DNAH17: variants seen among roughly 807,000 people sequenced by gnomAD.
DNAH17 encodes the protein dynein axonemal heavy chain 17.
Under a neutral mutation model 485.6 loss-of-function variants are expected in DNAH17, and 376 were observed. That is an observed-to-expected ratio of 0.77 (90% CI 0.71 to 0.84). The LOEUF (loss-of-function observed/expected upper bound fraction) is 0.84, where lower values mean the gene tolerates loss of function less well. Ranked by LOEUF, DNAH17 falls within the 40% of genes least tolerant of loss-of-function variation. DNAH17 has a pLI of 0.00. For missense variants in DNAH17, 6,370 were observed against 5,839.3 expected, an observed-to-expected ratio of 1.09 and a Z score of -2.96; for synonymous variants, 3,031 against 2,405.9, an observed-to-expected ratio of 1.26 and a Z score of -7.60.
intron 19 of DNAH17, 28 bp from the exon 20 acceptor site, chr17:78,532,764 G>C (rs1370377285): frequency 1.3e-6 from 2 of 1,558,708 alleles, no homozygotes; most frequent in Non-Finnish European, 1.7e-6. Flanking sequence ...GAAGCAAAAA[G>C]GGGAGGTATG....
chr17:78,533,465 G>A lies in DNAH17; in HGVS notation c.2860-729C>T, dbSNP rs536816657. On this transcript the variant is annotated intron_variant, in intron 19 of 80. Transcript: ENST00000389840. The stretch of plus-strand genomic sequence containing the variant: ...AGGCCCCGTGGTGGGAGGAGGCAGC[G>A]TGTTAGGGGAACTAAAGGAAGTCTA... 3.7e-4 allele frequency among the ~76,000 whole-genome samples: 57 copies of A among 152,274 alleles called. 1 individual carries two copies. The South Asian group carries it at 0.011, about 28-fold the overall frequency.
At chr17:78,538,451 C>G (rs8070884) in intron 18 of DNAH17, among the ~76,000 whole-genome samples, 116,728 of 152,146 alleles carry the variant, frequency 0.77, 44,835 homozygotes, top group African/African-American at 0.79. Flanking sequence ...CCACTGATCT[C>G]CCCCTGAATG....
intron 46 of DNAH17, 62 bp downstream of exon 46, chr17:78,485,898 G>T (rs949495664): frequency 6.3e-7 from 1 of 1,581,928 alleles, no homozygotes; most frequent in African/African-American, 1.3e-5. Flanking sequence ...GCGTGTGGAG[G>T]GTACTGCACC....
At chr17:78,445,537 G>C in intron 70 of DNAH17, 21 bp downstream of exon 70, 1 of 1,558,694 alleles carries the variant, frequency 6.4e-7, no homozygotes, top group Non-Finnish European at 8.7e-7. Context: ...AGCACAACGT[G>C]TTCAACGTCT....
intron 31 of DNAH17, 58 bp from the exon 32 acceptor site, chr17:78,503,069 T>TAATGGACCTCATTCC (rs2146724644): frequency 6.5e-7 from 1 of 1,532,398 alleles, no homozygotes; most frequent in Non-Finnish European, 8.8e-7. Flanking sequence ...CTAGTTCCAA[T>TAATGGACCTCATTCC]AATTTTGTTT....
Position 78,562,309 on chromosome 17 carries a change from C to T in DNAH17, c.1570-329G>A, listed in dbSNP as rs574027573. Among the ~76,000 whole-genome samples the T allele has an allele frequency of 8.5e-5, 13 of 152,236 alleles. No homozygotes were observed. In the East Asian group the frequency reaches 1.7e-3, roughly 20 times the overall value. The stretch of plus-strand genomic sequence containing the variant: ...TTAAACAATTAAAAAATAGGCTGAG[C>T]ACCATGGCTCACACCTGTTATTCCA... On this transcript the variant is annotated intron_variant, in intron 11 of 80. Coordinates refer to ENST00000389840, the MANE Select transcript of DNAH17 (RefSeq NM_173628.4).
At chr17:78,494,282 T>G in intron 40 of DNAH17, 109 bp from the exon 41 acceptor site, 2 of 1,460,308 alleles carry the variant, frequency 1.4e-6, no homozygotes, top group East Asian at 2.3e-5. Flanking sequence ...AAAGGCGCCC[T>G]TGCCCTCCGA....
chr17:78,517,511 TC>T (rs1197240248), intron 25 of DNAH17, among the ~76,000 whole-genome samples: 1 of 152,196 alleles, frequency 6.6e-6, no homozygotes, highest in Non-Finnish European at 1.5e-5. Flanking sequence ...CAGCCTCCCT[TC>T]ACACACTGAG....
intron 7 of DNAH17, 42 bp downstream of exon 7, chr17:78,570,205 C>CAGGAGGGG: frequency 6.5e-7 from 1 of 1,543,130 alleles, no homozygotes; most frequent in South Asian, 1.2e-5. Context: ...GGGACCCAGC[C>CAGGAGGGG]AGGAGGGGAG....
At chr17:78,484,806 C>A in intron 48 of DNAH17, 62 bp downstream of exon 48, 1 of 1,438,560 alleles carries the variant, frequency 7.0e-7, no homozygotes, top group South Asian at 1.4e-5. Context: ...CTGCGCCCCG[C>A]CCTGGCCCCG....
At chr17:78,562,867 G>C (rs1404150253) in intron 11 of DNAH17, among the ~76,000 whole-genome samples, 2 of 152,188 alleles carry the variant, frequency 1.3e-5, no homozygotes, top group Admixed American at 1.3e-4. Context: ...GGGGACCAGA[G>C]AGAGGGAAGA....
chr17:78,433,465 T>C (rs618324), intron 75 of DNAH17, among the ~76,000 whole-genome samples: 24,830 of 152,174 alleles, frequency 0.16, 2,129 homozygotes, highest in Middle Eastern at 0.21. Flanking sequence ...TTACGGAGGA[T>C]GTGTGGCTTT....
At chr17:78,467,722 C>T (rs562462049) in intron 55 of DNAH17, among the ~76,000 whole-genome samples, 42 of 152,118 alleles carry the variant, frequency 2.8e-4, no homozygotes, top group Non-Finnish European at 4.6e-4. Context: ...GGGAGTTTAG[C>T]CTGCTTACCC....
In DNAH17 at chr17:78,491,755, C is replaced by T. The variant is rs546770032; in HGVS notation, c.6542-185G>A. On this transcript the variant is annotated intron_variant, in intron 42 of 80. Transcript: ENST00000389840. ...TCCGTTCTCTGTGGCCTCCCTCCTACGTGCCCTCTCCATGCCTGAGGCCCT... is the reference window on the plus strand; with the variant it reads ...TCCGTTCTCTGTGGCCTCCCTCCTATGTGCCCTCTCCATGCCTGAGGCCCT... Among the ~76,000 whole-genome samples, 38 of 152,304 alleles carry T rather than the reference C, an allele frequency of 2.5e-4. No homozygotes were observed. The East Asian group carries it at 3.3e-3, about 13-fold the overall frequency.
intron 1 of DNAH17, among the ~76,000 whole-genome samples, chr17:78,576,376 A>G (rs562254005): frequency 1.3e-5 from 2 of 152,196 alleles, no homozygotes; most frequent in South Asian, 4.2e-4. Flanking sequence ...CTGAGAGAGG[A>G]CTTGGGGAAT....
chr17:78,518,493 A>G (rs1439216014), intron 25 of DNAH17, among the ~76,000 whole-genome samples: 1 of 152,228 alleles, frequency 6.6e-6, no homozygotes, highest in Non-Finnish European at 1.5e-5. Context: ...CTCAAAATAC[A>G]CAAAGCAAAA....
intron 48 of DNAH17, among the ~76,000 whole-genome samples, chr17:78,482,483 A>G (rs917492468): frequency 6.6e-6 from 1 of 152,166 alleles, no homozygotes; most frequent in Non-Finnish European, 1.5e-5. Context: ...ATATATGTCC[A>G]TGGTGTCTCT....
In DNAH17 at chr17:78,428,592, G is replaced by A. The variant is rs772585756; in HGVS notation, c.12521C>T (p.Thr4174Ile). Residue 4174 changes from threonine to isoleucine, a missense_variant, in exon 77 of 81, where the codon ACT becomes ATT. Coordinates refer to ENST00000389840, the MANE Select transcript of DNAH17 (RefSeq NM_173628.4). Reference sequence around the variant, plus strand: ...CTCTTTTGGCTGCATTTCCAGGACAGTGCGGAACAGCTTCTCTGAGGTGAC... The same window carrying A: ...CTCTTTTGGCTGCATTTCCAGGACAATGCGGAACAGCTTCTCTGAGGTGAC... ...LTVTSEKLFR[T>I]VLEMQPKETD... 6.8e-6 allele frequency: 11 copies of A among 1,613,964 alleles called. No individual in the cohort carries two copies. The highest frequency in any genetic ancestry group is 6.7e-5 in the Admixed American group (4 of 60,002).
intron 54 of DNAH17, 69 bp from the exon 55 acceptor site, chr17:78,468,952 C>G: frequency 6.5e-7 from 1 of 1,535,580 alleles, no homozygotes; most frequent in South Asian, 1.2e-5. Context: ...TCCTCCACAA[C>G]CAACCAGAGC....
Sources: gnomAD v4.1 joint callset for allele counts (sites outside exome capture counted in the v4.1 genomes callset) on GRCh38, gnomAD v4.1.1 for gene constraint, MANE v1.5 for transcripts, NCBI Gene and HGNC (gene_info 2026-07-23, HGNC 2026-07-21) for gene names.